The following SRBD1 variants were observed in gnomAD, a reference collection of about 807,000 sequenced individuals.
SRBD1 encodes S1 RNA-binding domain-containing protein 1.
In SRBD1, 88 loss-of-function variants were observed where a neutral mutation model predicts 115.3. That is an observed-to-expected ratio of 0.76 (90% CI 0.64 to 0.91). The LOEUF is 0.91. Ranked by LOEUF, SRBD1 falls within the 40% of genes least tolerant of loss-of-function variation. SRBD1 has a pLI of 0.00. For synonymous variants in SRBD1, 509 were observed against 407.7 expected (o/e 1.25, Z -2.99); for missense variants, 1,385 against 1,177.4 (o/e 1.18, Z -2.58).
chr2:45,494,258 T>C (rs551383053), intron 14 of SRBD1, among the ~76,000 whole-genome samples: 1 of 152,332 alleles, frequency 6.6e-6, no homozygotes, highest in Admixed American at 6.5e-5. Flanking sequence ...ATTACTTTAA[T>C]TGTATTCTTG....
chr2:45,562,690 C>A lies in SRBD1; in HGVS notation c.1372G>T (p.Val458Leu), dbSNP rs768832764. ...LTVKVNISDG[V>L]KDEFCRWCIQ... is the part of the protein sequence containing the mutation. Reference sequence around the variant, plus strand: ...CACCACCTACAGAATTCATCCTTCACTCCATCAGAAATATTGACCTTAACC... The same window carrying A: ...CACCACCTACAGAATTCATCCTTCAATCCATCAGAAATATTGACCTTAACC... Residue 458 changes from valine (V) to leucine (L), a missense_variant, in exon 10 of 21, where the codon GTG becomes TTG. Val to Leu is a conservative substitution (Grantham distance 32, BLOSUM62 1). Coordinates refer to ENST00000263736, the MANE Select transcript of SRBD1 (RefSeq NM_018079.5). 1.2e-6 allele frequency: 2 copies of A among 1,612,158 alleles called. No homozygotes were observed. The highest frequency in any genetic ancestry group is 8.5e-7 in the Non-Finnish European group (1 of 1,179,548).
intron 10 of SRBD1, among the ~76,000 whole-genome samples, chr2:45,558,685 A>ATTTTTTTTTTTT (rs1214807980): frequency 1.1e-5 from 1 of 89,530 alleles, no homozygotes; most frequent in Non-Finnish European, 2.2e-5. Flanking sequence ...CCACACAATT[A>ATTTTTTTTTTTT]TTTTTTTTTT....
chr2:45,437,397 A>C (rs1215766424), intron 16 of SRBD1, among the ~76,000 whole-genome samples: 1 of 151,718 alleles, frequency 6.6e-6, no homozygotes, highest in Non-Finnish European at 1.5e-5. Flanking sequence ...AATGGAATAG[A>C]AAGCACCAAA....
chr2:45,577,592 T>C (rs1673219704), intron 7 of SRBD1, among the ~76,000 whole-genome samples: 6 of 152,136 alleles, frequency 3.9e-5, no homozygotes, highest in Admixed American at 3.9e-4. Flanking sequence ...TGGCACAGTA[T>C]AGCTTTATGA....
rs1333581917 is a variant in SRBD1 at position 45,601,914 on chromosome 2, TAAC to T, written c.247_249del (p.Val83del). The T allele has an allele frequency of 3.7e-6, 6 of 1,614,010 alleles. No homozygotes were observed. Among genetic ancestry groups the T allele is most frequent in the African/African-American group, 1.3e-5 (1 of 74,938 alleles). ...GCTGTAGCACCTACCAGCTCCTCCT[TAAC>T]AACAACGACTTCTGAGCCATCACTG... On this transcript the variant is annotated inframe_deletion, in exon 3 of 21. Transcript: ENST00000263736.
rs763570825 is a variant in SRBD1, at chr2:45,601,869, T to C, written c.261+34A>G. On this transcript the variant is annotated intron_variant, in intron 3 of 20. Transcript: ENST00000263736. ...ATAACATCACCAATCAGGAAGACAC[T>C]ACAGAGTTCCCTCTATCCAGCTGTA... The C allele has an allele frequency of 3.7e-6, 6 of 1,609,392 alleles. No individual in the cohort carries two copies. The Admixed American group carries it at 5.0e-5, about 14-fold the overall frequency.
At chr2:45,476,767 C>G (rs1192316661) in intron 16 of SRBD1, among the ~76,000 whole-genome samples, 1 of 152,182 alleles carries the variant, frequency 6.6e-6, no homozygotes, top group African/African-American at 2.4e-5. Flanking sequence ...GTCTTTCAAT[C>G]TGACCACAGT....
At chr2:45,559,036 A>C (rs543178182) in intron 10 of SRBD1, among the ~76,000 whole-genome samples, 19 of 151,876 alleles carry the variant, frequency 1.3e-4, no homozygotes, top group Non-Finnish European at 2.6e-4. Flanking sequence ...ACCTCTCCCT[A>C]ACCAATCCAC....
chr2:45,562,838 T>TA, intron 9 of SRBD1, 82 bp from the exon 10 acceptor site: 1 of 842,310 alleles, frequency 1.2e-6, no homozygotes, highest in Non-Finnish European at 1.8e-6. Flanking sequence ...GACAGCTATA[T>TA]GAATTTTTTA....
intron 16 of SRBD1, among the ~76,000 whole-genome samples, chr2:45,471,581 A>G (rs1050809853): frequency 2.0e-5 from 3 of 152,208 alleles, no homozygotes; most frequent in Non-Finnish European, 4.4e-5. Flanking sequence ...TTTAATAGGT[A>G]TTAACTATTT....
intron 16 of SRBD1, among the ~76,000 whole-genome samples, chr2:45,452,968 T>C (rs1309331565): frequency 6.6e-6 from 1 of 152,006 alleles, no homozygotes; most frequent in Non-Finnish European, 1.5e-5. Flanking sequence ...ATGAAATACG[T>C]AGTCATTTGA....
At chr2:45,602,439 A>C (rs939964774) in intron 2 of SRBD1, among the ~76,000 whole-genome samples, 2 of 152,230 alleles carry the variant, frequency 1.3e-5, no homozygotes, top group African/African-American at 2.4e-5. Flanking sequence ...TTCAATTTTA[A>C]CAGTGAAAAG....
intron 4 of SRBD1, among the ~76,000 whole-genome samples, chr2:45,589,032 C>A (rs1244476371): frequency 2.0e-5 from 3 of 152,184 alleles, no homozygotes; most frequent in African/African-American, 7.2e-5. Context: ...AATGTCTGTT[C>A]CCTCCCCCCT....
chr2:45,470,372 A>G (rs1572675984), intron 16 of SRBD1, among the ~76,000 whole-genome samples: 1 of 152,212 alleles, frequency 6.6e-6, no homozygotes, highest in Non-Finnish European at 1.5e-5. Context: ...ATTATCCACA[A>G]TAATGAAGAA....
intron 12 of SRBD1, chr2:45,548,969 TC>T (rs1672206802): frequency 6.6e-6 from 1 of 151,960 alleles, no homozygotes; most frequent in Non-Finnish European, 1.5e-5. Context: ...AACAGGAGAA[TC>T]CCAAAAATGT....
At chr2:45,605,279 G>A (rs879845260) in intron 2 of SRBD1, 83 bp downstream of exon 2, 7 of 1,354,130 alleles carry the variant, frequency 5.2e-6, no homozygotes, top group African/African-American at 1.5e-5. Flanking sequence ...CATCACTTAA[G>A]GAGTTAGAAA....
At chr2:45,529,804 T>A (rs1429644859) in intron 14 of SRBD1, among the ~76,000 whole-genome samples, 1 of 152,020 alleles carries the variant, frequency 6.6e-6, no homozygotes, top group Admixed American at 6.6e-5. Flanking sequence ...AATCATTAAA[T>A]GCTAGAAATT....
At chr2:45,500,790 T>A (rs1237300655) in intron 14 of SRBD1, among the ~76,000 whole-genome samples, 1 of 152,184 alleles carries the variant, frequency 6.6e-6, no homozygotes, top group Non-Finnish European at 1.5e-5. Context: ...CTAAGAGTTT[T>A]TTGGTGGAGT....
At chr2:45,484,684 G>A (rs1670062776) in intron 15 of SRBD1, among the ~76,000 whole-genome samples, 1 of 152,108 alleles carries the variant, frequency 6.6e-6, no homozygotes, top group Admixed American at 6.6e-5. Flanking sequence ...CTCCTATCAA[G>A]TTCCAAAACA....
Sources: allele counts gnomAD v4.1 joint callset (sites outside exome capture counted in the v4.1 genomes callset), GRCh38; gene constraint gnomAD v4.1.1; transcripts MANE v1.5; gene names NCBI Gene and HGNC (gene_info 2026-07-23, HGNC 2026-07-21).